The following ANKRD12 variants were observed in gnomAD, a reference collection of about 807,000 sequenced individuals.
ANKRD12 encodes ankyrin repeat domain 12.
ANKRD12 carries 85 observed loss-of-function variants against 183.4 expected under a neutral mutation model. The observed-to-expected ratio is 0.46, with a 90% CI of 0.39 to 0.56. ANKRD12 has a LOEUF of 0.56. ANKRD12 is among the 20% of genes least tolerant of loss of function. The probability of loss-of-function intolerance (pLI) is 0.00; values close to 1 mark genes in which losing one functional copy is unlikely to be tolerated. For missense variants in ANKRD12, 2,405 were observed against 2,357.1 expected (o/e 1.02, Z -0.42); for synonymous variants, 914 against 800.2 (o/e 1.14, Z -2.40).
chr18:9,278,765 C>CAG (rs536719656), intron 11 of ANKRD12, among the ~76,000 whole-genome samples: 1 of 151,322 alleles, frequency 6.6e-6, no homozygotes, highest in Non-Finnish European at 1.5e-5. Context: ...GCCTGGGTAA[C>CAG]AGAGAGAGAC....
chr18:9,165,066 T>G (rs1344075479), intron 1 of ANKRD12, among the ~76,000 whole-genome samples: 1 of 152,238 alleles, frequency 6.6e-6, no homozygotes, highest in African/African-American at 2.4e-5. Flanking sequence ...ACTTGCTTTA[T>G]GAATCTAGGT....
chr18:9,285,239 A>G lies in ANKRD12; in HGVS notation c.*4113A>G, dbSNP rs1254864305. On this transcript the variant is annotated 3_prime_UTR_variant, in exon 13 of 13. Coordinates refer to ENST00000262126, the MANE Select transcript of ANKRD12 (RefSeq NM_015208.5). Reference sequence around the variant, plus strand: ...AAAAAAAAAAGAAAGAAAAGAAAATAGGCCAATATGGTGAAACCCTTTCTC... The same window carrying G: ...AAAAAAAAAAGAAAGAAAAGAAAATGGGCCAATATGGTGAAACCCTTTCTC... 6.6e-6 allele frequency: 1 copy of G among 151,030 alleles called. No homozygotes were observed. The highest frequency in any genetic ancestry group is 1.5e-5 in the Non-Finnish European group (1 of 67,782). 9.4% of individuals were successfully genotyped at this position (151,030 alleles called of 1,614,324 possible). A position where few individuals can be genotyped will look rare whatever the true frequency, so the allele number is the denominator to read the frequency against.
chr18:9,239,081 C>A (rs764296990), intron 8 of ANKRD12, among the ~76,000 whole-genome samples: 50 of 152,304 alleles, frequency 3.3e-4, no homozygotes, highest in Non-Finnish European at 2.5e-4. Context: ...GCTGTGTTTG[C>A]ACCACTGTAC....
At chr18:9,248,745 C>T (rs140961017) in intron 8 of ANKRD12, among the ~76,000 whole-genome samples, 5 of 152,254 alleles carry the variant, frequency 3.3e-5, no homozygotes, top group East Asian at 3.9e-4. Context: ...CAAGTCAGTG[C>T]GTGTGTGAAA....
intron 1 of ANKRD12, among the ~76,000 whole-genome samples, chr18:9,151,682 T>C (rs954538530): frequency 2.6e-5 from 4 of 152,220 alleles, no homozygotes; most frequent in African/African-American, 9.6e-5. Flanking sequence ...CAAATCAATT[T>C]CGAAGAAAGC....
intron 1 of ANKRD12, among the ~76,000 whole-genome samples, chr18:9,157,306 G>C (rs2030632910): frequency 1.3e-5 from 2 of 152,054 alleles, no homozygotes; most frequent in South Asian, 2.1e-4. Flanking sequence ...TGATCATCTC[G>C]TGGTTGTTTA....
At position 9,240,991 on chromosome 18, in the gene ANKRD12, C is replaced by A. The variant is rs963835928; in HGVS notation, c.944-13220C>A. 2.0e-5 allele frequency among the ~76,000 whole-genome samples: 3 copies of A among 152,094 alleles called. No individual in the cohort carries two copies. In the South Asian group the frequency reaches 6.2e-4, roughly 31 times the overall value. On this transcript the variant is annotated intron_variant, in intron 8 of 12. Transcript: ENST00000262126. ...TATTTCAGGAACTATGAAAATACAACTGTTGGTACTTACTTACAATGGAGT... is the reference window on the plus strand; with the variant it reads ...TATTTCAGGAACTATGAAAATACAAATGTTGGTACTTACTTACAATGGAGT...
intron 4 of ANKRD12, among the ~76,000 whole-genome samples, chr18:9,206,880 C>CA (rs2035518764): frequency 6.6e-6 from 1 of 151,176 alleles, no homozygotes; most frequent in Non-Finnish European, 1.5e-5. Context: ...GTTTTACAAA[C>CA]AAAAATGCAA....
chr18:9,170,642 CATTGGTTTG>C (rs1260648944), intron 1 of ANKRD12, among the ~76,000 whole-genome samples: 1 of 152,016 alleles, frequency 6.6e-6, no homozygotes, highest in East Asian at 1.9e-4. Context: ...ACTTCTTTGC[CATTGGTTTG>C]AATTTCCTCT....
chr18:9,261,638 T>C (rs1261809999), intron 9 of ANKRD12, among the ~76,000 whole-genome samples: 3 of 152,218 alleles, frequency 2.0e-5, no homozygotes, highest in Non-Finnish European at 4.4e-5. Flanking sequence ...TGTGAAATGA[T>C]GACGACGAGA....
Position 9,282,692 on chromosome 18 carries a change from AAT to A in ANKRD12, c.*1569_*1570del, listed in dbSNP as rs1354334922. On this transcript the variant is annotated 3_prime_UTR_variant, in exon 13 of 13. Coordinates refer to ENST00000262126, the MANE Select transcript of ANKRD12 (RefSeq NM_015208.5). Reference sequence around the variant, plus strand: ...TGTTCCGATAGAGAAAAGTGAAGCAAATATGTGAGGAATGAAGTGATCTAGTG... The same window carrying A: ...TGTTCCGATAGAGAAAAGTGAAGCAAATGTGAGGAATGAAGTGATCTAGTG... 1 of 152,600 alleles carries A rather than the reference AAT, an allele frequency of 6.6e-6. No homozygotes were observed. Among genetic ancestry groups the A allele is most frequent in the Non-Finnish European group, 1.5e-5 (1 of 68,000 alleles). The allele number at this position is 152,600 out of a possible 1,614,324, so 9.5% of individuals were successfully genotyped here.
At chr18:9,253,707 C>T (rs1161877260) in intron 8 of ANKRD12, among the ~76,000 whole-genome samples, 1 of 152,104 alleles carries the variant, frequency 6.6e-6, no homozygotes, top group Non-Finnish European at 1.5e-5. Context: ...TGGCTTTTAT[C>T]CAAAAGATAG....
intron 5 of ANKRD12, among the ~76,000 whole-genome samples, chr18:9,209,006 A>T (rs2035634105): frequency 6.6e-6 from 1 of 152,238 alleles, no homozygotes; most frequent in African/African-American, 2.4e-5. Context: ...GAAGCTATAC[A>T]AGAGTAGGGC....
chr18:9,233,436 G>A (rs955856507), intron 8 of ANKRD12, among the ~76,000 whole-genome samples: 1 of 151,824 alleles, frequency 6.6e-6, no homozygotes, highest in South Asian at 2.1e-4. Context: ...TTTTGATTGG[G>A]ATCTGTTGCT....
chr18:9,232,828 G>A (rs2037129052), intron 8 of ANKRD12, among the ~76,000 whole-genome samples: 1 of 137,916 alleles, frequency 7.3e-6, no homozygotes, highest in African/African-American at 2.7e-5. Context: ...TTTTTGTCTG[G>A]TTAGTTTTGA....
chr18:9,187,105 T>C (rs964699649), intron 2 of ANKRD12, among the ~76,000 whole-genome samples: 1 of 152,144 alleles, frequency 6.6e-6, no homozygotes, highest in Non-Finnish European at 1.5e-5. Flanking sequence ...ACTTCTGGGT[T>C]CTGCTAAGTT....
chr18:9,264,311 C>T (rs1436727265), intron 10 of ANKRD12, among the ~76,000 whole-genome samples: 1 of 151,998 alleles, frequency 6.6e-6, no homozygotes, highest in Non-Finnish European at 1.5e-5. Flanking sequence ...TTAGTCTTGG[C>T]GTGAAATTAC....
chr18:9,229,359 A>G (rs930251819), intron 8 of ANKRD12, among the ~76,000 whole-genome samples: 2 of 152,128 alleles, frequency 1.3e-5, no homozygotes, highest in South Asian at 2.1e-4. Flanking sequence ...TGGGGATTAC[A>G]TTGAGTCTGT....
chr18:9,213,151 CTA>C (rs916029751), intron 6 of ANKRD12, among the ~76,000 whole-genome samples: 4 of 151,942 alleles, frequency 2.6e-5, no homozygotes, highest in African/African-American at 9.6e-5. Context: ...TATCATAAAA[CTA>C]TTCCTATATT....
Sources: gnomAD v4.1 joint callset for allele counts (sites outside exome capture counted in the v4.1 genomes callset) on GRCh38, gnomAD v4.1.1 for gene constraint, MANE v1.5 for transcripts, NCBI Gene and HGNC (gene_info 2026-07-23, HGNC 2026-07-21) for gene names.